The following FHIT variants were observed in gnomAD, a reference collection of about 807,000 sequenced individuals.
FHIT encodes fragile histidine triad diadenosine triphosphatase.
FHIT carries 19 observed loss-of-function variants against 17.9 expected under a neutral mutation model. That is an observed-to-expected ratio of 1.06 (90% CI 0.74 to 1.56). The LOEUF is 1.56. Among genes scored for constraint, FHIT ranks in the 40% most tolerant of loss-of-function variants. FHIT has a pLI of 0.00. For synonymous variants in FHIT, 81 were observed against 69.7 expected, an observed-to-expected ratio of 1.16 and a Z score of -0.81; for missense variants, 248 against 189.2, an observed-to-expected ratio of 1.31 and a Z score of -1.82.
chr3:59,996,807 T>C (rs1195236219), intron 7 of FHIT, among the ~76,000 whole-genome samples: 1 of 152,038 alleles, frequency 6.6e-6, no homozygotes, highest in Non-Finnish European at 1.5e-5. Flanking sequence ...TTGTCCACAA[T>C]GAGATTGAGA....
chr3:61,005,492 G>T (rs961692909), intron 3 of FHIT, among the ~76,000 whole-genome samples: 15 of 151,872 alleles, frequency 9.9e-5, no homozygotes, highest in Non-Finnish European at 1.9e-4. Flanking sequence ...AAATGATGGT[G>T]GTAATAGTGA....
chr3:60,805,849 G>A (rs368376651), intron 4 of FHIT, among the ~76,000 whole-genome samples: 141 of 152,206 alleles, frequency 9.3e-4, no homozygotes, highest in African/African-American at 3.3e-3. Flanking sequence ...GTGAGCCACC[G>A]TGCCCTGCCT....
chr3:60,449,220 A>T (rs1263175016), intron 5 of FHIT, among the ~76,000 whole-genome samples: 2 of 152,178 alleles, frequency 1.3e-5, no homozygotes, highest in African/African-American at 2.4e-5. Context: ...ACTACTAAGT[A>T]AGCAGACAGG....
chr3:60,613,348 G>A (rs1384293648), intron 4 of FHIT, among the ~76,000 whole-genome samples: 1 of 152,150 alleles, frequency 6.6e-6, no homozygotes, highest in Non-Finnish European at 1.5e-5. Flanking sequence ...ATGGCCTGGT[G>A]ATACACAGGA....
intron 4 of FHIT, among the ~76,000 whole-genome samples, chr3:60,619,599 G>A (rs113090741): frequency 5.3e-4 from 17 of 32,190 alleles, no homozygotes; most frequent in African/African-American, 2.4e-3. Context: ...ATACCCACAT[G>A]CAAAAAAAAA....
At chr3:60,795,508 G>GTTT (rs201826426) in intron 4 of FHIT, among the ~76,000 whole-genome samples, 5 of 143,022 alleles carry the variant, frequency 3.5e-5, no homozygotes, top group Non-Finnish European at 6.1e-5. Flanking sequence ...TTTGTTTTTT[G>GTTT]TTTTTTTTTT....
chr3:61,048,852 A>G (rs562646401), intron 2 of FHIT, among the ~76,000 whole-genome samples: 30 of 152,206 alleles, frequency 2.0e-4, no homozygotes, highest in African/African-American at 7.2e-4. Flanking sequence ...GGAAACAATC[A>G]TTTTCAGCAA....
At chr3:61,063,049 GGAGATC>G (rs1282184941) in intron 2 of FHIT, among the ~76,000 whole-genome samples, 1 of 151,978 alleles carries the variant, frequency 6.6e-6, no homozygotes, top group Non-Finnish European at 1.5e-5. Flanking sequence ...CACGAGGTCA[GGAGATC>G]GAGACCATCC....
intron 4 of FHIT, chr3:60,690,473 A>G: frequency 1.7e-6 from 1 of 571,672 alleles, no homozygotes; most frequent in East Asian, 4.5e-5. Flanking sequence ...TCGTCATCAA[A>G]TTTCTCCCTG....
intron 5 of FHIT, among the ~76,000 whole-genome samples, chr3:60,048,486 T>C (rs898252275): frequency 2.6e-5 from 4 of 152,162 alleles, no homozygotes; most frequent in Non-Finnish European, 5.9e-5. Flanking sequence ...TTAAGTTCTC[T>C]TTTCAAAGGC....
chr3:60,393,908 G>A lies in FHIT; in HGVS notation c.103+142952C>T, dbSNP rs201110359. ...CTCTGCATTTGCCACCCTGCTCTGC[G>A]TTCAGTAATAACTGCAAGAGAGTTC... On this transcript the variant is annotated intron_variant, in intron 5 of 9. Transcript: ENST00000492590. Among the ~76,000 whole-genome samples, 10 of 152,130 alleles carry A rather than the reference G, an allele frequency of 6.6e-5. No homozygotes were observed. The East Asian group carries it at 7.7e-4, about 12-fold the overall frequency.
intron 4 of FHIT, among the ~76,000 whole-genome samples, chr3:60,717,068 C>T (rs1354570157): frequency 6.6e-6 from 1 of 152,120 alleles, no homozygotes; most frequent in Non-Finnish European, 1.5e-5. Flanking sequence ...TGCATGATCT[C>T]ACTTATATGT....
At chr3:59,890,377 T>C (rs983424946) in intron 8 of FHIT, among the ~76,000 whole-genome samples, 7 of 152,050 alleles carry the variant, frequency 4.6e-5, no homozygotes, top group Non-Finnish European at 7.4e-5. Context: ...TCAGATTGCC[T>C]AGAGGGCCAA....
chr3:60,045,222 G>C (rs371413982), intron 5 of FHIT, among the ~76,000 whole-genome samples: 1 of 152,018 alleles, frequency 6.6e-6, no homozygotes, highest in Non-Finnish European at 1.5e-5. Context: ...AACTTAAAAT[G>C]GTTAAAATGA....
intron 2 of FHIT, among the ~76,000 whole-genome samples, chr3:61,045,152 T>G (rs555627506): frequency 6.6e-6 from 1 of 152,184 alleles, no homozygotes; most frequent in African/African-American, 2.4e-5. Context: ...TAAATGTAAA[T>G]GGGCTAAATG....
chr3:60,291,321 C>T (rs971862241), intron 5 of FHIT, among the ~76,000 whole-genome samples: 2 of 152,042 alleles, frequency 1.3e-5, no homozygotes, highest in South Asian at 2.1e-4. Flanking sequence ...CATGAAAAAC[C>T]GGTTAGGACT....
intron 5 of FHIT, among the ~76,000 whole-genome samples, chr3:60,160,510 C>A (rs990572044): frequency 3.9e-5 from 6 of 152,166 alleles, no homozygotes; most frequent in African/African-American, 1.4e-4. Flanking sequence ...AACCTCAAAA[C>A]CTATCTTCTT....
At chr3:60,821,495 T>C (rs550356588) in intron 4 of FHIT, among the ~76,000 whole-genome samples, 366 of 107,824 alleles carry the variant, frequency 3.4e-3, no homozygotes, top group Admixed American at 7.3e-3. Context: ...TCCATTCCAC[T>C]AGCATTCTCA....
intron 5 of FHIT, among the ~76,000 whole-genome samples, chr3:60,235,056 A>T (rs9841314): frequency 6.6e-6 from 1 of 151,832 alleles, no homozygotes; most frequent in Non-Finnish European, 1.5e-5. Context: ...GTTACATGGA[A>T]TAAGAGAGAG....
Sources: gnomAD v4.1 joint callset for allele counts (sites outside exome capture counted in the v4.1 genomes callset) on GRCh38, gnomAD v4.1.1 for gene constraint, MANE v1.5 for transcripts, NCBI Gene and HGNC (gene_info 2026-07-23, HGNC 2026-07-21) for gene names.